Variants in SLC23A2 observed in about 807,000 individuals in gnomAD.
SLC23A2 encodes Na(+)/L-ascorbic acid transporter 2.
Under a neutral mutation model 73.3 loss-of-function variants are expected in SLC23A2, and 36 were observed. The ratio of observed to expected loss-of-function variants is 0.49; its 90% confidence interval spans 0.38 to 0.65. The LOEUF (loss-of-function observed/expected upper bound fraction) is 0.65, where lower values mean the gene tolerates loss of function less well. Among genes scored for constraint, SLC23A2 ranks in the 30% least tolerant of loss-of-function variants. SLC23A2 has a pLI of 0.00. For missense variants in SLC23A2, 507 were observed against 841.6 expected (o/e 0.60, Z 4.92); for synonymous variants, 343 against 327.3 (o/e 1.05, Z -0.52).
chr20:4,962,250 C>CA (rs2087404083), intron 2 of SLC23A2, among the ~76,000 whole-genome samples: 1 of 125,134 alleles, frequency 8.0e-6, no homozygotes, highest in Non-Finnish European at 1.8e-5. Context: ...ACCACCCCCG[C>CA]CCCAAAAAAA....
At position 4,902,301 on chromosome 20, in the gene SLC23A2, G is replaced by C. The variant is rs1931775900; in HGVS notation, c.324+141C>G. ...TTACAGGCATCAGCCACTGTGCTCAGCCCCTACTCATCACTCTTAAAAGAG... is the reference window on the plus strand; with the variant it reads ...TTACAGGCATCAGCCACTGTGCTCACCCCCTACTCATCACTCTTAAAAGAG... On this transcript the variant is annotated intron_variant, in intron 5 of 16. Coordinates refer to ENST00000338244, the MANE Select transcript of SLC23A2 (RefSeq NM_005116.6). This position sits in a 1 kb window ranked among gnomAD's most constrained non-coding sequence, Gnocchi z 4.0. The C allele has an allele frequency of 1.8e-6, 1 of 560,092 alleles. No homozygotes were observed. The highest frequency in any genetic ancestry group is 3.2e-6 in the Non-Finnish European group (1 of 316,342). 34.7% of individuals were successfully genotyped at this position (560,092 alleles called of 1,614,324 possible).
At chr20:4,996,168 G>A (rs1280372124) in intron 1 of SLC23A2, among the ~76,000 whole-genome samples, 2 of 152,074 alleles carry the variant, frequency 1.3e-5, no homozygotes, top group African/African-American at 4.8e-5. Context: ...TATCACATGG[G>A]GCTCTCTTGT....
chr20:4,939,078 C>T (rs193147689), intron 2 of SLC23A2, among the ~76,000 whole-genome samples: 1 of 150,526 alleles, frequency 6.6e-6, no homozygotes, highest in Non-Finnish European at 1.5e-5. Flanking sequence ...CCCATCTGTA[C>T]AAAAAAAAAT....
At chr20:5,007,401 T>C (rs2088202829) in intron 1 of SLC23A2, among the ~76,000 whole-genome samples, 1 of 151,934 alleles carries the variant, frequency 6.6e-6, no homozygotes, top group Non-Finnish European at 1.5e-5. Context: ...CATGGTGACA[T>C]ACACGTGTAG....
chr20:4,892,978 G>A (rs6139575), intron 6 of SLC23A2, among the ~76,000 whole-genome samples: 1 of 152,062 alleles, frequency 6.6e-6, no homozygotes, highest in Non-Finnish European at 1.5e-5. Context: ...AATGTTCTTA[G>A]GTGTGACAAA....
chr20:4,978,293 C>T (rs572377266), intron 1 of SLC23A2, among the ~76,000 whole-genome samples: 65 of 152,270 alleles, frequency 4.3e-4, no homozygotes, highest in Non-Finnish European at 1.9e-4. Context: ...TGTGCCTTTG[C>T]GTGTGAACAA....
At chr20:4,871,126 C>A (rs984382615) in intron 11 of SLC23A2, among the ~76,000 whole-genome samples, 2 of 152,132 alleles carry the variant, frequency 1.3e-5, no homozygotes, top group Non-Finnish European at 2.9e-5. Flanking sequence ...GCCCTTCTTC[C>A]GTTGAAGCAT....
intron 13 of SLC23A2, among the ~76,000 whole-genome samples, chr20:4,864,151 T>C (rs1474308674): frequency 1.3e-5 from 2 of 151,974 alleles, no homozygotes; most frequent in African/African-American, 2.4e-5. Flanking sequence ...GGTTCCAGAG[T>C]GTTTGGGGGA....
intron 3 of SLC23A2, among the ~76,000 whole-genome samples, chr20:4,926,510 C>CTTTTTTTTTTTTTTTTTTTTTTTG (rs3055953): frequency 9.5e-6 from 1 of 105,050 alleles, no homozygotes; most frequent in Non-Finnish European, 1.9e-5. Flanking sequence ...ATTTTTTTTG[C>CTTTTTTTTTTTTTTTTTTTTTTTG]TTTTTTTTTT....
chr20:4,996,685 C>CA (rs1555809857), intron 1 of SLC23A2, among the ~76,000 whole-genome samples: 2,524 of 54,498 alleles, frequency 0.046, 236 homozygotes, highest in South Asian at 0.14. Context: ...GATTCCATCT[C>CA]AAAAAAAAAA....
At chr20:4,911,316 C>G (rs1176533970) in intron 4 of SLC23A2, among the ~76,000 whole-genome samples, 1 of 152,156 alleles carries the variant, frequency 6.6e-6, no homozygotes, top group Admixed American at 6.5e-5. Flanking sequence ...TTTATAATAG[C>G]TCCAAGCAGC....
chr20:4,873,768 C>T (rs1371321839), intron 11 of SLC23A2, 168 bp downstream of exon 11: 5 of 576,454 alleles, frequency 8.7e-6, no homozygotes, highest in Non-Finnish European at 1.5e-5. Context: ...TTGGTTTCTG[C>T]CCTCTGGGGA....
rs1929643441 is a variant in SLC23A2 at position 4,854,513 on chromosome 20, C to T, written c.*2459G>A. The T allele has an allele frequency of 6.6e-6, 1 of 152,254 alleles. No homozygotes were observed. The highest frequency in any genetic ancestry group is 2.1e-4 in the South Asian group (1 of 4,830). 9.4% of individuals were successfully genotyped at this position (152,254 alleles called of 1,614,324 possible). A position where few individuals can be genotyped will look rare whatever the true frequency, so the allele number is the denominator to read the frequency against. On this transcript the variant is annotated 3_prime_UTR_variant, in exon 17 of 17. Coordinates refer to ENST00000338244, the MANE Select transcript of SLC23A2 (RefSeq NM_005116.6). ...CAGGGGCATCTAGTCAGGCTGCCCT[C>T]TTTGCTCCCCACCTCCTATTCCCTT...
intron 5 of SLC23A2, among the ~76,000 whole-genome samples, chr20:4,901,638 C>T (rs2122871666): frequency 6.6e-6 from 1 of 152,278 alleles, no homozygotes; most frequent in East Asian, 1.9e-4. Context: ...CCTCCCCTCC[C>T]ACTGGAAGCT....
chr20:4,896,884 G>A (rs142659646), intron 6 of SLC23A2, among the ~76,000 whole-genome samples: 1 of 152,340 alleles, frequency 6.6e-6, no homozygotes, highest in Non-Finnish European at 1.5e-5. Flanking sequence ...TGGGCAGGGG[G>A]ATCATGCCAG....
chr20:4,998,996 G>C lies in SLC23A2; in HGVS notation c.-282+2410C>G, dbSNP rs1298772867. On this transcript the variant is annotated intron_variant, in intron 1 of 16. Transcript: ENST00000338244. This position sits in a 1 kb window ranked among gnomAD's most constrained non-coding sequence, Gnocchi z 4.1. ...ACTTTTGTATTTTTAGTAGAGACGAGGTTTCACCATGGTGGCCAGGCTGCT... is the reference window on the plus strand; with the variant it reads ...ACTTTTGTATTTTTAGTAGAGACGACGTTTCACCATGGTGGCCAGGCTGCT... Among the ~76,000 whole-genome samples the C allele has an allele frequency of 6.6e-6, 1 of 152,056 alleles. No individual in the cohort carries two copies. The highest frequency in any genetic ancestry group is 1.9e-4 in the East Asian group (1 of 5,188).
Position 4,873,957 on chromosome 20 carries a change from A to T in SLC23A2, c.1081T>A (p.Trp361Arg), listed in dbSNP as rs768927456. ...TTACATGGGTATGGAACCTTAAACC[A>T]CGGGGCTACCAGAAGCACGCCTTGC... ...ARQGVLLVAPWFKVPYPFQWG... is the reference protein window; with the variant it reads ...ARQGVLLVAPRFKVPYPFQWG... Residue 361 changes from tryptophan (W) to arginine (R), a missense_variant, in exon 11 of 17, where the codon TGG becomes AGG. This residue lies in a region of SLC23A2 where 217 missense variants were observed against 398.0 expected (regional missense o/e 0.55). Coordinates refer to ENST00000338244, the MANE Select transcript of SLC23A2 (RefSeq NM_005116.6). 6.2e-7 allele frequency: 1 copy of T among 1,613,922 alleles called. No homozygotes were observed. Among genetic ancestry groups the T allele is most frequent in the Non-Finnish European group, 8.5e-7 (1 of 1,179,898 alleles).
At chr20:4,873,830 C>A (rs1930547589) in intron 11 of SLC23A2, 106 bp downstream of exon 11, 1 of 1,138,804 alleles carries the variant, frequency 8.8e-7, no homozygotes, top group Admixed American at 2.3e-5. Context: ...AATGGCAAGG[C>A]CTTCAGGAGA....
At chr20:4,923,205 G>A (rs779335533) in intron 3 of SLC23A2, among the ~76,000 whole-genome samples, 77 of 139,696 alleles carry the variant, frequency 5.5e-4, no homozygotes, top group Middle Eastern at 3.6e-3. Context: ...CCAGGAGTTC[G>A]AGACCAGCCT....
Sources: allele counts gnomAD v4.1 joint callset (sites outside exome capture counted in the v4.1 genomes callset), GRCh38; gene constraint gnomAD v4.1.1; regional missense constraint gnomAD v4.1.1; non-coding constraint Gnocchi (gnomAD v3.1); transcripts MANE v1.5; gene names NCBI Gene and HGNC (gene_info 2026-07-23, HGNC 2026-07-21).